Variants in RIC1 observed in about 807,000 individuals in gnomAD.
The protein encoded by RIC1 is guanine nucleotide exchange factor subunit RIC1.
A neutral mutation model predicts 169.0 loss-of-function variants in RIC1; 88 were observed. The ratio of observed to expected loss-of-function variants is 0.52; its 90% CI spans 0.44 to 0.62. RIC1 has a LOEUF of 0.62. Ranked by LOEUF, RIC1 falls within the 20% of genes least tolerant of loss-of-function variation. The pLI is 0.00. For missense variants in RIC1, 1,877 were observed against 1,725.5 expected, an observed-to-expected ratio of 1.09 and a Z score of -1.56; for synonymous variants, 790 against 601.5, an observed-to-expected ratio of 1.31 and a Z score of -4.59.
In RIC1 at chr9:5,763,881, T is replaced by C. The variant is rs770390901; in HGVS notation, c.2841+13T>C. On this transcript the variant is annotated intron_variant, in intron 19 of 25. Transcript: ENST00000414202. The surrounding 1 kb of genome is among the most constrained non-coding windows in gnomAD (Gnocchi z 5.2). ...TATTATCTTACAGGTAACAATTCTC[T>C]TCTTATAAAGGGGCAAGAATTAATG... 3.8e-6 allele frequency: 6 copies of C among 1,592,388 alleles called. No individual in the cohort carries two copies. The highest frequency in any genetic ancestry group is 1.7e-5 in the Admixed American group (1 of 58,002).
chr9:5,765,163 T>G (rs1826630041), intron 19 of RIC1: 1 of 346,882 alleles, frequency 2.9e-6, no homozygotes, highest in African/African-American at 2.1e-5. Context: ...CTGGGAGAAA[T>G]AAATGAAATG....
At chr9:5,646,539 C>T (rs1183485681) in intron 1 of RIC1, among the ~76,000 whole-genome samples, 1 of 152,100 alleles carries the variant, frequency 6.6e-6, no homozygotes, top group African/African-American at 2.4e-5. Context: ...GGCACAATTG[C>T]TTATGTATTC....
chr9:5,756,434 G>A, intron 16 of RIC1, 62 bp downstream of exon 16: 1 of 1,152,610 alleles, frequency 8.7e-7, no homozygotes, highest in Non-Finnish European at 1.1e-6. Flanking sequence ...CTCTTTTGTA[G>A]TTTTTGTTTT....
In RIC1 at chr9:5,762,678, C is replaced by G. The variant is rs770782186; in HGVS notation, c.2112+18C>G. 1.9e-6 allele frequency: 3 copies of G among 1,609,766 alleles called. No homozygotes were observed. In the South Asian group the frequency reaches 3.3e-5, roughly 18 times the overall value. ...GGAAACTTGTGAGTAAAGTACTAGTCATTTCTTTTCAAACATTAAGAAGGT... is the reference window on the plus strand; with the variant it reads ...GGAAACTTGTGAGTAAAGTACTAGTGATTTCTTTTCAAACATTAAGAAGGT... On this transcript the variant is annotated intron_variant, in intron 18 of 25. Transcript: ENST00000414202.
intron 7 of RIC1, among the ~76,000 whole-genome samples, chr9:5,737,368 A>T (rs1270363166): frequency 6.6e-6 from 1 of 152,182 alleles, no homozygotes; most frequent in East Asian, 1.9e-4. Context: ...TAAAATGTTT[A>T]TAAATTACCA....
chr9:5,731,785 C>G (rs1405619830), intron 6 of RIC1, among the ~76,000 whole-genome samples: 1 of 151,850 alleles, frequency 6.6e-6, no homozygotes, highest in Non-Finnish European at 1.5e-5. Flanking sequence ...TTTGAAACAC[C>G]CTGAGAGGTA....
intron 1 of RIC1, among the ~76,000 whole-genome samples, chr9:5,639,032 C>T (rs1563860630): frequency 6.6e-6 from 1 of 152,194 alleles, no homozygotes; most frequent in African/African-American, 2.4e-5. Context: ...CCTCCCACCT[C>T]AGCCCCCTAA....
At chr9:5,698,403 T>C (rs753017296) in intron 3 of RIC1, among the ~76,000 whole-genome samples, 4 of 152,212 alleles carry the variant, frequency 2.6e-5, no homozygotes, top group Admixed American at 1.3e-4. Flanking sequence ...CATAGAAACA[T>C]TTTATTTTTT....
chr9:5,643,510 A>G (rs1017708242), intron 1 of RIC1, among the ~76,000 whole-genome samples: 1 of 152,166 alleles, frequency 6.6e-6, no homozygotes, highest in African/African-American at 2.4e-5. Flanking sequence ...CCTTTCTCAA[A>G]AAAAAAGTTA....
intron 25 of RIC1, 101 bp from the exon 26 acceptor site, chr9:5,773,857 T>C (rs1827405642): frequency 8.9e-7 from 1 of 1,125,040 alleles, no homozygotes; most frequent in Admixed American, 2.5e-5. Flanking sequence ...TAATCTATCG[T>C]CGTCTTTACC....
intron 2 of RIC1, among the ~76,000 whole-genome samples, chr9:5,678,943 G>C (rs1252445326): frequency 6.6e-6 from 1 of 151,310 alleles, no homozygotes; most frequent in Admixed American, 6.6e-5. Flanking sequence ...GAATGGTATT[G>C]CCTAGGTTTT....
chr9:5,665,914 C>T (rs529573803), intron 2 of RIC1, among the ~76,000 whole-genome samples: 153 of 152,284 alleles, frequency 1.0e-3, no homozygotes, highest in African/African-American at 3.5e-3. Context: ...TCAGGAGGAA[C>T]GGGATCAGGG....
intron 2 of RIC1, among the ~76,000 whole-genome samples, chr9:5,674,490 A>G (rs1339491411): frequency 3.3e-5 from 5 of 152,172 alleles, no homozygotes. Context: ...TGGTGAAAGG[A>G]TAATAAAAAC....
intron 2 of RIC1, among the ~76,000 whole-genome samples, chr9:5,673,552 AT>A (rs1436010933): frequency 1.1e-4 from 16 of 144,520 alleles, no homozygotes; most frequent in Admixed American, 4.8e-4. Flanking sequence ...ATATATATAT[AT>A]ATATAAATAA....
chr9:5,667,653 A>C (rs1586910600), intron 2 of RIC1, among the ~76,000 whole-genome samples: 1 of 151,870 alleles, frequency 6.6e-6, no homozygotes, highest in African/African-American at 2.4e-5. Context: ...ATAGGCACGC[A>C]CCACCACGCC....
chr9:5,760,172 T>A (rs1421124702), intron 17 of RIC1, among the ~76,000 whole-genome samples: 1 of 152,018 alleles, frequency 6.6e-6, no homozygotes, highest in Non-Finnish European at 1.5e-5. Flanking sequence ...TCCATGAGAG[T>A]GAGCTCCTTG....
At chr9:5,698,023 T>C (rs1586969311) in intron 3 of RIC1, among the ~76,000 whole-genome samples, 1 of 152,168 alleles carries the variant, frequency 6.6e-6, no homozygotes, top group Non-Finnish European at 1.5e-5. Flanking sequence ...GTAAGTTATG[T>C]TGCAAGGAAA....
At chr9:5,777,371 G>T (rs1350723995), downstream of RIC1, among the ~76,000 whole-genome samples, 1 of 149,148 alleles carries the variant, frequency 6.7e-6, no homozygotes, top group African/African-American at 2.5e-5. Context: ...ACACAAAATG[G>T]AAGACTCTAA....
intron 1 of RIC1, among the ~76,000 whole-genome samples, chr9:5,651,787 C>T (rs185304610): frequency 1.4e-3 from 206 of 152,028 alleles, no homozygotes; most frequent in African/African-American, 4.8e-3. Flanking sequence ...AGGTTGGTCT[C>T]GAACTCCTGA....
Sources: allele counts gnomAD v4.1 joint callset (sites outside exome capture counted in the v4.1 genomes callset), GRCh38; gene constraint gnomAD v4.1.1; non-coding constraint Gnocchi (gnomAD v3.1); transcripts MANE v1.5; gene names NCBI Gene and HGNC (gene_info 2026-07-23, HGNC 2026-07-21).